Variants in LRFN5 observed in about 807,000 individuals in gnomAD.
LRFN5 encodes leucine rich repeat and fibronectin type III domain containing 5.
A neutral mutation model predicts 45.6 loss-of-function variants in LRFN5; 24 were observed. That is an observed-to-expected ratio of 0.53 (90% CI 0.38 to 0.74). The LOEUF (loss-of-function observed/expected upper bound fraction) is 0.74. Among genes scored for constraint, LRFN5 ranks in the 30% least tolerant of loss-of-function variants. The pLI is 0.00. For missense variants in LRFN5, 776 were observed against 861.5 expected (o/e 0.90, Z 1.24); for synonymous variants, 340 against 313.8 (o/e 1.08, Z -0.88).
chr14:41,704,326 A>T (rs1211559993), intron 1 of LRFN5, among the ~76,000 whole-genome samples: 5 of 151,146 alleles, frequency 3.3e-5, no homozygotes, highest in Non-Finnish European at 7.4e-5. Context: ...TCATCTCATT[A>T]CTTTACCTCT....
chr14:41,877,002 A>G (rs2139129918), intron 2 of LRFN5, among the ~76,000 whole-genome samples: 1 of 152,332 alleles, frequency 6.6e-6, no homozygotes, highest in African/African-American at 2.4e-5. Context: ...TGTGAGAATT[A>G]AAAATCCTTT....
chr14:41,807,976 A>G (rs553241818), intron 2 of LRFN5, among the ~76,000 whole-genome samples: 105 of 151,858 alleles, frequency 6.9e-4, no homozygotes, highest in African/African-American at 2.5e-3. Flanking sequence ...AGTAAGACCA[A>G]GATGAGCTAT....
intron 2 of LRFN5, among the ~76,000 whole-genome samples, chr14:41,817,386 A>G (rs116864769): frequency 0.029 from 4,355 of 152,196 alleles, 112 homozygotes; most frequent in Non-Finnish European, 0.045. Flanking sequence ...TAGAAATGCT[A>G]TGAATAGACT....
At chr14:41,824,660 T>C (rs1263780876) in intron 2 of LRFN5, among the ~76,000 whole-genome samples, 1 of 152,168 alleles carries the variant, frequency 6.6e-6, no homozygotes, top group Non-Finnish European at 1.5e-5. Flanking sequence ...AGCAAATCGG[T>C]ATACTGTTCC....
chr14:41,771,749 A>G (rs1886098750), intron 2 of LRFN5, among the ~76,000 whole-genome samples: 1 of 152,140 alleles, frequency 6.6e-6, no homozygotes, highest in Non-Finnish European at 1.5e-5. Context: ...GGTCAAAACC[A>G]TTTAACCAGT....
At chr14:41,652,647 C>T (rs1326402562) in intron 1 of LRFN5, among the ~76,000 whole-genome samples, 2 of 152,094 alleles carry the variant, frequency 1.3e-5, no homozygotes, top group African/African-American at 4.8e-5. Context: ...TTCTGACCTA[C>T]CTGATGAGTA....
At chr14:41,691,705 C>T (rs1040989838) in intron 1 of LRFN5, among the ~76,000 whole-genome samples, 18 of 152,042 alleles carry the variant, frequency 1.2e-4, no homozygotes, top group Admixed American at 1.1e-3. Context: ...CCACACTATA[C>T]AACATATAGA....
chr14:41,632,008 T>C (rs1888551596), intron 1 of LRFN5, among the ~76,000 whole-genome samples: 1 of 152,098 alleles, frequency 6.6e-6, no homozygotes, highest in African/African-American at 2.4e-5. Context: ...TAGACTCTAA[T>C]GACACAAAGG....
chr14:41,752,622 T>C (rs921929308), intron 1 of LRFN5, among the ~76,000 whole-genome samples: 1 of 152,244 alleles, frequency 6.6e-6, no homozygotes, highest in Non-Finnish European at 1.5e-5. Flanking sequence ...TTTGTTTTTT[T>C]CTTGTAAATT....
At chr14:41,892,657 T>C (rs1218188969) in intron 4 of LRFN5, 2 of 983,942 alleles carry the variant, frequency 2.0e-6, no homozygotes, top group Non-Finnish European at 2.4e-6. Context: ...ATTCAATTAG[T>C]ATACCGAGTT....
In LRFN5 at chr14:41,886,737, G is replaced by T. The variant is rs199855789; in HGVS notation, c.112G>T (p.Ala38Ser). The T allele has an allele frequency of 6.2e-7, 1 of 1,614,106 alleles. No homozygotes were observed. The highest frequency in any genetic ancestry group is 8.5e-7 in the Non-Finnish European group (1 of 1,180,012). The change falls in exon 3 of 6, where the codon GCC (alanine) becomes TCC (serine). Residue 38 changes from alanine (A) to serine (S), a missense_variant. Ala to Ser is a moderately conservative substitution (Grantham distance 99). Coordinates refer to ENST00000298119, the MANE Select transcript of LRFN5 (RefSeq NM_152447.5). ...ILSPNLATLC[A>S]KKGLLFVPPN... The stretch of plus-strand genomic sequence containing the variant: ...GTCTCCTAATCTTGCAACCCTTTGT[G>T]CCAAGAAAGGGCTTTTATTTGTTCC...
intron 2 of LRFN5, among the ~76,000 whole-genome samples, chr14:41,828,037 G>A (rs1888355421): frequency 6.6e-6 from 1 of 151,946 alleles, no homozygotes; most frequent in Admixed American, 6.6e-5. Flanking sequence ...GACTATATCT[G>A]TTCACAGTAA....
chr14:41,680,761 T>G (rs1270037680), intron 1 of LRFN5, among the ~76,000 whole-genome samples: 2 of 151,988 alleles, frequency 1.3e-5, no homozygotes, highest in Non-Finnish European at 2.9e-5. Context: ...CCTCACCAAA[T>G]GAACTAAATA....
chr14:41,820,369 A>G (rs1888072553), intron 2 of LRFN5, among the ~76,000 whole-genome samples: 1 of 151,958 alleles, frequency 6.6e-6, no homozygotes, highest in African/African-American at 2.4e-5. Context: ...TATCAAATAG[A>G]TTCCCATTTC....
chr14:41,850,085 T>A (rs1335946736), intron 2 of LRFN5, among the ~76,000 whole-genome samples: 1 of 151,956 alleles, frequency 6.6e-6, no homozygotes, highest in Non-Finnish European at 1.5e-5. Flanking sequence ...GCATGTATAA[T>A]ATAGTACATG....
chr14:41,659,893 T>G (rs1380941161), intron 1 of LRFN5, among the ~76,000 whole-genome samples: 2 of 112,466 alleles, frequency 1.8e-5, no homozygotes, highest in Non-Finnish European at 3.8e-5. Flanking sequence ...CTTTTTGATG[T>G]TTTTTTTTTT....
At chr14:41,889,032 T>C (rs965909343) in intron 3 of LRFN5, among the ~76,000 whole-genome samples, 5 of 149,566 alleles carry the variant, frequency 3.3e-5, no homozygotes, top group East Asian at 2.0e-4. Context: ...TATATACACA[T>C]GTATATATAC....
chr14:41,725,279 G>A (rs556366970), intron 1 of LRFN5, among the ~76,000 whole-genome samples: 4 of 152,254 alleles, frequency 2.6e-5, no homozygotes, highest in African/African-American at 9.6e-5. Context: ...AAGAACGTGG[G>A]GCTAGCTGAC....
intron 1 of LRFN5, among the ~76,000 whole-genome samples, chr14:41,698,940 A>G (rs1266538234): frequency 6.6e-6 from 1 of 152,066 alleles, no homozygotes; most frequent in African/African-American, 2.4e-5. Flanking sequence ...AGTAGTGATC[A>G]GAAAATTTAA....
Sources: allele counts gnomAD v4.1 joint callset (sites outside exome capture counted in the v4.1 genomes callset), GRCh38; gene constraint gnomAD v4.1.1; transcripts MANE v1.5; gene names NCBI Gene and HGNC (gene_info 2026-07-23, HGNC 2026-07-21).